The following TRPC4 variants were observed in gnomAD, a reference collection of about 807,000 sequenced individuals.
The protein encoded by TRPC4 is short transient receptor potential channel 4.
TRPC4 carries 49 observed loss-of-function variants against 99.4 expected under a neutral mutation model. That is an observed-to-expected ratio of 0.49 (90% CI 0.39 to 0.63). TRPC4 has a LOEUF of 0.63. TRPC4 is among the 20% of genes least tolerant of loss of function. The pLI is 0.00. For missense variants in TRPC4, 898 were observed against 1,152.9 expected (o/e 0.78, Z 3.20); for synonymous variants, 454 against 425.9 (o/e 1.07, Z -0.81).
intron 1 of TRPC4, among the ~76,000 whole-genome samples, chr13:37,788,742 C>T (rs1011231281): frequency 6.6e-6 from 1 of 152,046 alleles, no homozygotes; most frequent in Non-Finnish European, 1.5e-5. Context: ...TTAAAATGTT[C>T]CCTGAAAAAC....
chr13:37,695,430 C>G (rs1275439891), intron 3 of TRPC4, among the ~76,000 whole-genome samples: 1 of 152,164 alleles, frequency 6.6e-6, no homozygotes, highest in African/African-American at 2.4e-5. Context: ...CTACAGCCCC[C>G]CTCCTACTCC....
At chr13:37,798,582 G>T (rs1219615922) in intron 1 of TRPC4, among the ~76,000 whole-genome samples, 1 of 152,044 alleles carries the variant, frequency 6.6e-6, no homozygotes, top group Non-Finnish European at 1.5e-5. Context: ...TGCAATGATG[G>T]AACATTTAGA....
Position 37,713,983 on chromosome 13 carries a change from T to G in TRPC4, c.898-21648A>C, listed in dbSNP as rs185885194. Among the ~76,000 whole-genome samples the G allele has an allele frequency of 3.4e-4, 52 of 152,216 alleles. No individual in the cohort carries two copies. The East Asian group carries it at 8.3e-3, about 24-fold the overall frequency. On this transcript the variant is annotated intron_variant, in intron 3 of 10. Transcript: ENST00000379705. The stretch of plus-strand genomic sequence containing the variant: ...GCATTCCCTTCCTTTACTCCACGAC[T>G]TTTCCTGAATCCTCCATTTCTCTCT...
At chr13:37,797,588 TCA>T (rs1480026583) in intron 1 of TRPC4, among the ~76,000 whole-genome samples, 1 of 152,208 alleles carries the variant, frequency 6.6e-6, no homozygotes, top group Non-Finnish European at 1.5e-5. Flanking sequence ...AATTTTTTCC[TCA>T]GTCTTCTCAT....
rs80278069 is a variant in TRPC4, at chr13:37,635,721, C to T, written c.*1182G>A. Among the ~76,000 whole-genome samples, 12 of 152,074 alleles carry T rather than the reference C, an allele frequency of 7.9e-5. No homozygotes were observed. In the East Asian group the frequency reaches 9.6e-4, roughly 12 times the overall value. On this transcript the variant is annotated 3_prime_UTR_variant, in exon 11 of 11. Coordinates refer to ENST00000379705, the MANE Select transcript of TRPC4 (RefSeq NM_016179.4). ...TCTAGTATCAATTTTATGTAAGTTG[C>T]GAACACTTTCCTTGTAATAGTTCAG...
At chr13:37,773,595 T>C (rs900236781) in intron 2 of TRPC4, among the ~76,000 whole-genome samples, 19 of 151,908 alleles carry the variant, frequency 1.3e-4, no homozygotes, top group Admixed American at 5.9e-4. Context: ...AAAATGGCAG[T>C]TGAAGTACTT....
chr13:37,753,625 A>G (rs1056956696), intron 2 of TRPC4, among the ~76,000 whole-genome samples: 4 of 150,916 alleles, frequency 2.7e-5, no homozygotes, highest in African/African-American at 9.7e-5. Flanking sequence ...GAAAGAGAAC[A>G]CAGAAACATG....
chr13:37,851,339 G>T (rs893178333), intron 1 of TRPC4, among the ~76,000 whole-genome samples: 3 of 152,072 alleles, frequency 2.0e-5, no homozygotes, highest in African/African-American at 7.2e-5. Flanking sequence ...AAATAAAAAA[G>T]TATGAGACAT....
chr13:37,646,437 T>C (rs1274708081), intron 8 of TRPC4, among the ~76,000 whole-genome samples: 1 of 152,178 alleles, frequency 6.6e-6, no homozygotes, highest in Non-Finnish European at 1.5e-5. Context: ...ATTAAATATG[T>C]CTCACATTAA....
intron 2 of TRPC4, among the ~76,000 whole-genome samples, chr13:37,777,403 C>T (rs1053295303): frequency 1.3e-5 from 2 of 151,866 alleles, no homozygotes; most frequent in Non-Finnish European, 2.9e-5. Context: ...TACACACTTT[C>T]AAACAACCAG....
At chr13:37,653,441 A>T (rs975875456) in intron 7 of TRPC4, among the ~76,000 whole-genome samples, 1 of 152,124 alleles carries the variant, frequency 6.6e-6, no homozygotes, top group Non-Finnish European at 1.5e-5. Flanking sequence ...AGAAGAAAGA[A>T]AGAAAAAGAA....
intron 1 of TRPC4, among the ~76,000 whole-genome samples, chr13:37,815,319 AG>A (rs1374389010): frequency 2.6e-5 from 4 of 151,924 alleles, no homozygotes; most frequent in Non-Finnish European, 1.5e-5. Context: ...AAAGGCAAAG[AG>A]GGGTAAGTTA....
intron 3 of TRPC4, among the ~76,000 whole-genome samples, chr13:37,697,706 GT>G (rs763756015): frequency 1.3e-5 from 2 of 152,256 alleles, no homozygotes; most frequent in East Asian, 1.9e-4. Flanking sequence ...CAGGAAGGCT[GT>G]TAGAGATGGA....
intron 2 of TRPC4, among the ~76,000 whole-genome samples, chr13:37,767,336 GCA>G (rs1956403771): frequency 7.3e-5 from 1 of 13,682 alleles, no homozygotes; most frequent in South Asian, 0.012. Context: ...TATAGATTCA[GCA>G]TATATATATA....
rs150861479 is a variant in TRPC4 at position 37,634,965 on chromosome 13, G to A, written c.*1938C>T. On this transcript the variant is annotated 3_prime_UTR_variant, in exon 11 of 11. Coordinates refer to ENST00000379705, the MANE Select transcript of TRPC4 (RefSeq NM_016179.4). Reference sequence around the variant, plus strand: ...AAACCAGGTTTAGGAGTGAACAGGGGCTTAGTGCTCCTGGCTTTTCTGAAA... The same window carrying A: ...AAACCAGGTTTAGGAGTGAACAGGGACTTAGTGCTCCTGGCTTTTCTGAAA... 2.9e-4 allele frequency among the ~76,000 whole-genome samples: 44 copies of A among 152,140 alleles called. No homozygotes were observed. The East Asian group carries it at 7.2e-3, about 25-fold the overall frequency.
chr13:37,759,984 C>T (rs995172406), intron 2 of TRPC4, among the ~76,000 whole-genome samples: 2 of 151,874 alleles, frequency 1.3e-5, no homozygotes, highest in African/African-American at 2.4e-5. Context: ...TATTGTGATG[C>T]CATTGAATAT....
intron 4 of TRPC4, among the ~76,000 whole-genome samples, 170 bp downstream of exon 4, chr13:37,691,829 G>A (rs925428224): frequency 5.9e-5 from 9 of 152,146 alleles, no homozygotes; most frequent in African/African-American, 9.7e-5. Flanking sequence ...CGGGTCCACC[G>A]CAGCTTGTAA....
chr13:37,692,116 A>G lies in TRPC4; in HGVS notation c.1117T>C (p.Tyr373His). ...FIKFICHTAS[Y>H]LTFLFLLLLA... ...AGCAGCAGGAACAAAAAAGTCAAATAGGAGGCTGTGTGGCAGATAAACTTG... is the reference window on the plus strand; with the variant it reads ...AGCAGCAGGAACAAAAAAGTCAAATGGGAGGCTGTGTGGCAGATAAACTTG... Residue 373 changes from tyrosine (Y) to histidine (H), a missense_variant, in exon 4 of 11, where the codon TAT becomes CAT. Physicochemically the swap from Tyr to His is moderately conservative, Grantham distance 83 (BLOSUM62 2). Coordinates refer to ENST00000379705, the MANE Select transcript of TRPC4 (RefSeq NM_016179.4). The G allele has an allele frequency of 5.0e-6, 8 of 1,614,184 alleles. No individual in the cohort carries two copies. The highest frequency in any genetic ancestry group is 6.8e-6 in the Non-Finnish European group (8 of 1,180,028).
chr13:37,858,379 T>C (rs1458273499), intron 1 of TRPC4, among the ~76,000 whole-genome samples: 1 of 151,560 alleles, frequency 6.6e-6, no homozygotes, highest in Non-Finnish European at 1.5e-5. Context: ...CAACTAAAAA[T>C]GGAGCTGCTG....
Sources: gnomAD v4.1 joint callset for allele counts (sites outside exome capture counted in the v4.1 genomes callset) on GRCh38, gnomAD v4.1.1 for gene constraint, MANE v1.5 for transcripts, NCBI Gene and HGNC (gene_info 2026-07-23, HGNC 2026-07-21) for gene names.